HCRTR2: variants seen among roughly 807,000 people sequenced by gnomAD.
HCRTR2 encodes the protein hypocretin receptor 2.
HCRTR2 carries 22 observed loss-of-function variants against 49.0 expected under a neutral mutation model. That is an observed-to-expected ratio of 0.45 (90% CI 0.32 to 0.64). The LOEUF is 0.64. Among genes scored for constraint, HCRTR2 ranks in the 30% least tolerant of loss-of-function variants. The pLI, the probability that HCRTR2 is intolerant of heterozygous loss-of-function variation, is 0.04. For synonymous variants in HCRTR2, 236 were observed against 205.3 expected (o/e 1.15, Z -1.28); for missense variants, 491 against 559.4 (o/e 0.88, Z 1.23).
chr6:55,270,487 G>T (rs1364234621), intron 4 of HCRTR2, among the ~76,000 whole-genome samples: 1 of 152,086 alleles, frequency 6.6e-6, no homozygotes, highest in Non-Finnish European at 1.5e-5. Flanking sequence ...ATCACATGTA[G>T]TACAGGTTAA....
chr6:55,193,151 ACT>A (rs1452861848), intron 1 of HCRTR2, among the ~76,000 whole-genome samples: 13 of 152,198 alleles, frequency 8.5e-5, no homozygotes, highest in African/African-American at 3.1e-4. Context: ...ATTGGCAAGC[ACT>A]CTTCTGACAT....
chr6:55,193,079 G>A (rs76853486), intron 1 of HCRTR2, among the ~76,000 whole-genome samples: 2,812 of 152,284 alleles, frequency 0.018, 45 homozygotes, highest in Middle Eastern at 0.058. Flanking sequence ...TAAAAATAGT[G>A]AGAGAACATT....
At chr6:55,280,633 T>G in intron 6 of HCRTR2, 189 bp downstream of exon 6, 1 of 218,456 alleles carries the variant, frequency 4.6e-6, no homozygotes, top group Non-Finnish European at 7.8e-6. Flanking sequence ...GAAAATGAAC[T>G]GATTTTTCCA....
chr6:55,115,382 G>A (rs747280620), intron 1 of HCRTR2, among the ~76,000 whole-genome samples: 11 of 151,562 alleles, frequency 7.3e-5, no homozygotes, highest in Non-Finnish European at 1.5e-4. Context: ...TGCTAAAGTA[G>A]TTGTATTAAA....
intron 1 of HCRTR2, among the ~76,000 whole-genome samples, chr6:55,236,640 T>C (rs1766219969): frequency 6.6e-6 from 1 of 152,168 alleles, no homozygotes; most frequent in Non-Finnish European, 1.5e-5. Flanking sequence ...TATTTGTAGA[T>C]ATTAACTTTT....
intron 1 of HCRTR2, among the ~76,000 whole-genome samples, chr6:55,197,529 C>T (rs1044116811): frequency 2.0e-5 from 3 of 152,138 alleles, no homozygotes; most frequent in African/African-American, 7.2e-5. Flanking sequence ...CGACCTCTAA[C>T]CCAAAACCAA....
intron 4 of HCRTR2, among the ~76,000 whole-genome samples, chr6:55,274,277 ACATATATTTT>A (rs1297923952): frequency 1.2e-4 from 18 of 147,540 alleles, no homozygotes; most frequent in African/African-American, 3.9e-4. Flanking sequence ...ATATACTTAT[ACATATATTTT>A]ATGAAATATA....
At chr6:55,233,699 G>A (rs147957839) in intron 1 of HCRTR2, among the ~76,000 whole-genome samples, 2 of 122,386 alleles carry the variant, frequency 1.6e-5, no homozygotes, top group Non-Finnish European at 3.9e-5. Flanking sequence ...TGTCTCTAAA[G>A]AATAACAAAT....
intron 1 of HCRTR2, among the ~76,000 whole-genome samples, chr6:55,234,569 T>C (rs988598892): frequency 2.0e-5 from 3 of 152,144 alleles, no homozygotes; most frequent in Non-Finnish European, 4.4e-5. Context: ...ATAAAACTTC[T>C]GTAAGATAAT....
chr6:55,225,333 A>G (rs1306250995), intron 1 of HCRTR2, among the ~76,000 whole-genome samples: 1 of 151,960 alleles, frequency 6.6e-6, no homozygotes, highest in Admixed American at 6.6e-5. Context: ...GTCCCTAGTT[A>G]TTATTTTAGC....
At chr6:55,152,971 A>G (rs1367180525) in intron 1 of HCRTR2, among the ~76,000 whole-genome samples, 1 of 151,988 alleles carries the variant, frequency 6.6e-6, no homozygotes, top group African/African-American at 2.4e-5. Flanking sequence ...GCCAGAGCCA[A>G]TGTTAAAGTT....
chr6:55,113,469 G>A lies in HCRTR2; in HGVS notation c.-378+6924G>A, dbSNP rs1406046146. On this transcript the variant is annotated intron_variant, in intron 1 of 7. Transcript: ENST00000615358. ...ATAATCCCATCCAAAAGTGGGCTAA[G>A]GACATGAATAGACATTTCTCAAAAG... Among the ~76,000 whole-genome samples the A allele has an allele frequency of 2.6e-5, 4 of 152,012 alleles. 1 individual carries two copies. The highest frequency in any genetic ancestry group is 1.5e-5 in the Non-Finnish European group (1 of 67,922).
intron 1 of HCRTR2, among the ~76,000 whole-genome samples, chr6:55,139,087 AC>A (rs777124958): frequency 6.6e-6 from 1 of 152,130 alleles, no homozygotes; most frequent in Non-Finnish European, 1.5e-5. Flanking sequence ...AAACATAGAA[AC>A]CCAAGGTAGG....
At chr6:55,257,853 G>C (rs543258990) in intron 3 of HCRTR2, among the ~76,000 whole-genome samples, 1 of 151,926 alleles carries the variant, frequency 6.6e-6, no homozygotes, top group African/African-American at 2.4e-5. Context: ...CTAAAATTAA[G>C]TATTATTGGA....
Position 55,282,482 on chromosome 6 carries a change from T to C in HCRTR2, c.*28T>C, listed in dbSNP as rs201230122. 2.5e-6 allele frequency: 3 copies of C among 1,177,390 alleles called. No homozygotes were observed. The highest frequency in any genetic ancestry group is 3.8e-6 in the Non-Finnish European group (3 of 791,718). The allele number at this position is 1,177,390 out of a possible 1,614,324, so 72.9% of individuals were successfully genotyped here. A position where few individuals can be genotyped will look rare whatever the true frequency, so the allele number is the denominator to read the frequency against. On this transcript the variant is annotated 3_prime_UTR_variant, in exon 7 of 7. Transcript: ENST00000370862. Reference sequence around the variant, plus strand: ...TATTTATTCATATGACAAGGATACCTGAGTAAAACTATCCTTTTTAAAATC... The same window carrying C: ...TATTTATTCATATGACAAGGATACCCGAGTAAAACTATCCTTTTTAAAATC...
intron 1 of HCRTR2, among the ~76,000 whole-genome samples, chr6:55,231,344 A>C: frequency 6.7e-6 from 1 of 149,632 alleles, no homozygotes. Flanking sequence ...GGAGACTAAT[A>C]CTCTCTTTTA....
intron 1 of HCRTR2, among the ~76,000 whole-genome samples, chr6:55,156,316 T>C (rs1447650496): frequency 6.6e-6 from 1 of 152,038 alleles, no homozygotes; most frequent in Non-Finnish European, 1.5e-5. Flanking sequence ...ATTCTTCTCA[T>C]AATCTAATAA....
intron 1 of HCRTR2, among the ~76,000 whole-genome samples, chr6:55,110,943 A>G (rs1026910006): frequency 1.4e-4 from 22 of 152,130 alleles, no homozygotes; most frequent in African/African-American, 5.3e-4. Context: ...CTGCACATGG[A>G]ACATTCTTCA....
At chr6:55,257,832 G>A (rs1274254622) in intron 3 of HCRTR2, among the ~76,000 whole-genome samples, 1 of 151,740 alleles carries the variant, frequency 6.6e-6, no homozygotes, top group Admixed American at 6.6e-5. Flanking sequence ...ATAATTAAAT[G>A]CTTGTAAAGA....
Sources: allele counts gnomAD v4.1 joint callset (sites outside exome capture counted in the v4.1 genomes callset), GRCh38; gene constraint gnomAD v4.1.1; transcripts MANE v1.5; gene names NCBI Gene and HGNC (gene_info 2026-07-23, HGNC 2026-07-21).